The following FGF13 variants were observed in gnomAD, a reference collection of about 807,000 sequenced individuals.
The protein encoded by FGF13 is fibroblast growth factor homologous factor 2.
A neutral mutation model predicts 19.5 loss-of-function variants in FGF13; 2 were observed. The ratio of observed to expected loss-of-function variants is 0.10; its 90% confidence interval spans 0.04 to 0.32. FGF13 has a LOEUF of 0.32. FGF13 is among the 10% of genes least tolerant of loss of function. FGF13 has a pLI of 1.00. For missense variants in FGF13, 113 were observed against 192.7 expected, an observed-to-expected ratio of 0.59 and a Z score of 2.45; for synonymous variants, 72 against 76.9, an observed-to-expected ratio of 0.94 and a Z score of 0.33.
At position 138,887,341 on chromosome X, in the gene FGF13, T is replaced by A. The variant is rs930811286; in HGVS notation, c.-112-22691A>T. ...TTCTGTTTTTGTTTCAATTTTACTT[T>A]AATAGAATCAAGTTCCCACCGTGCT... On this transcript the variant is annotated intron_variant, in intron 1 of 2. Transcript: ENST00000421460. Among the ~76,000 whole-genome samples, 4 of 112,042 alleles carry A rather than the reference T, an allele frequency of 3.6e-5. No individual in the cohort carries two copies. The Admixed American group carries it at 3.8e-4, about 11-fold the overall frequency.
intron 3 of FGF13, among the ~76,000 whole-genome samples, chrX:138,645,730 C>A (rs1382998856): frequency 8.9e-6 from 1 of 112,188 alleles, no homozygotes; most frequent in African/African-American, 3.2e-5. Context: ...AGAAAAGCAC[C>A]TTTCCATTTC....
intron 1 of FGF13, among the ~76,000 whole-genome samples, chrX:138,974,017 C>T (rs2091930016): frequency 9.0e-6 from 1 of 111,428 alleles, no homozygotes; most frequent in African/African-American, 3.3e-5. Context: ...AGTTGAAGCA[C>T]TCTTGACCTC....
At chrX:138,771,007 A>T (rs1396895564) in intron 3 of FGF13, among the ~76,000 whole-genome samples, 1 of 111,549 alleles carries the variant, frequency 9.0e-6, no homozygotes, top group Non-Finnish European at 1.9e-5. Flanking sequence ...CAGCAACCCT[A>T]CAGTGTAAAG....
At chrX:138,638,058 A>C (rs1452390481) in intron 3 of FGF13, among the ~76,000 whole-genome samples, 1 of 110,694 alleles carries the variant, frequency 9.0e-6, no homozygotes, top group Admixed American at 9.6e-5. Context: ...TCCATTCCCA[A>C]TGCCACTGCT....
rs2089118731 is a variant in FGF13 at position 138,631,748 on chromosome X, T to C, written c.*1102A>G. 1 of 112,310 alleles carries C rather than the reference T, an allele frequency of 8.9e-6. No individual in the cohort carries two copies. The highest frequency in any genetic ancestry group is 1.9e-5 in the Non-Finnish European group (1 of 53,213). 9.3% of individuals were successfully genotyped at this position (112,310 alleles called of 1,213,427 possible). The stretch of plus-strand genomic sequence containing the variant: ...TGAATGCACAAAATCTTACATATCA[T>C]GCAACTCTATGCCAAGAACCCAACT... On this transcript the variant is annotated 3_prime_UTR_variant, in exon 5 of 5. Transcript: ENST00000315930.
intron 3 of FGF13, among the ~76,000 whole-genome samples, chrX:138,702,001 C>T (rs984565969): frequency 4.5e-5 from 5 of 111,644 alleles, no homozygotes; most frequent in East Asian, 5.7e-4. Context: ...TCATATATTA[C>T]GCTGGGCACG....
At chrX:138,916,929 C>A (rs1252558961) in intron 1 of FGF13, among the ~76,000 whole-genome samples, 1 of 111,542 alleles carries the variant, frequency 9.0e-6, no homozygotes, top group African/African-American at 3.3e-5. Context: ...ATTACCCAAA[C>A]AAAACCAAAT....
chrX:138,973,319 G>A (rs186309913), intron 1 of FGF13, among the ~76,000 whole-genome samples: 2 of 112,071 alleles, frequency 1.8e-5, no homozygotes, highest in East Asian at 5.6e-4. Context: ...AGCTTCTCCT[G>A]TTATTGATTT....
intron 1 of FGF13, among the ~76,000 whole-genome samples, chrX:138,953,015 TGTG>T (rs1417241955): frequency 3.6e-5 from 4 of 111,753 alleles, no homozygotes; most frequent in African/African-American, 9.8e-5. Context: ...TGGAAGTCAT[TGTG>T]GTGATTCCTC....
At chrX:139,076,783 C>T (rs1603185270) in intron 1 of FGF13, among the ~76,000 whole-genome samples, 1 of 112,077 alleles carries the variant, frequency 8.9e-6, no homozygotes, top group African/African-American at 3.2e-5. Context: ...TTCTCAGTGC[C>T]TTACCTTATG....
At chrX:138,714,377 G>T (rs2090081820), upstream of FGF13, 1 of 112,464 alleles carries the variant, frequency 8.9e-6, no homozygotes, top group Admixed American at 9.4e-5. Context: ...CAGGCGTAGT[G>T]CCTCACGCCT....
chrX:138,712,548 G>C (rs17538795), upstream of FGF13, among the ~76,000 whole-genome samples: 3,118 of 111,456 alleles, frequency 0.028, 112 homozygotes, highest in African/African-American at 0.092. Flanking sequence ...GCTGGCCTCA[G>C]TCTATTAACA....
chrX:139,154,729 C>G (rs2083963884), intron 1 of FGF13, among the ~76,000 whole-genome samples: 1 of 111,671 alleles, frequency 9.0e-6, no homozygotes, highest in Admixed American at 9.5e-5. Flanking sequence ...GCTCTGCGCT[C>G]ATTTAAGGAA....
At chrX:138,945,263 T>G (rs2091776440) in intron 1 of FGF13, among the ~76,000 whole-genome samples, 1 of 111,387 alleles carries the variant, frequency 9.0e-6, no homozygotes, top group African/African-American at 3.3e-5. Context: ...ACGTGCGACA[T>G]GCATTTATCC....
chrX:138,854,380 T>G (rs1368100741), downstream of FGF13, among the ~76,000 whole-genome samples: 1 of 111,734 alleles, frequency 8.9e-6, no homozygotes, highest in African/African-American at 3.2e-5. Context: ...CAGTGAGATA[T>G]TTCAGTCCCT....
At chrX:139,103,487 A>G (rs1472642194) in intron 1 of FGF13, among the ~76,000 whole-genome samples, 1 of 111,909 alleles carries the variant, frequency 8.9e-6, no homozygotes, top group Non-Finnish European at 1.9e-5. Context: ...ATTCAAACAG[A>G]AAGCAGATTA....
Position 139,030,022 on chromosome X carries a change from C to T in FGF13, c.-112-165372G>A, listed in dbSNP as rs186326545. Among the ~76,000 whole-genome samples, 7 of 111,877 alleles carry T rather than the reference C, an allele frequency of 6.3e-5. No homozygotes were observed. The Admixed American group carries it at 6.7e-4, about 11-fold the overall frequency. ...AAATAGACCTATGTAAACAAATAAGCATGCGCCAATAAAACTTTACTTACA... is the reference window on the plus strand; with the variant it reads ...AAATAGACCTATGTAAACAAATAAGTATGCGCCAATAAAACTTTACTTACA... On this transcript the variant is annotated intron_variant, in intron 1 of 2. Transcript: ENST00000421460.
chrX:138,726,596 C>T (rs766359226), intron 1 of FGF13, among the ~76,000 whole-genome samples: 9 of 111,902 alleles, frequency 8.0e-5, no homozygotes, highest in Non-Finnish European at 1.7e-4. Context: ...TCTGCACATA[C>T]ATTTTGACAA....
upstream of FGF13, chrX:138,714,364 G>A (rs2124262676): frequency 8.9e-6 from 1 of 112,371 alleles, no homozygotes; most frequent in Admixed American, 9.4e-5. Context: ...TGCAGATATT[G>A]GCCAGGCGTA....
Sources: gnomAD v4.1 joint callset for allele counts (sites outside exome capture counted in the v4.1 genomes callset) on GRCh38, gnomAD v4.1.1 for gene constraint, MANE v1.5 for transcripts, NCBI Gene and HGNC (gene_info 2026-07-23, HGNC 2026-07-21) for gene names.